The following TMPRSS11F variants were observed in gnomAD, a reference collection of about 807,000 sequenced individuals.
The protein encoded by TMPRSS11F is transmembrane protease serine 11F.
TMPRSS11F carries 47 observed loss-of-function variants against 60.2 expected under a neutral mutation model. The observed-to-expected ratio is 0.78, with a 90% confidence interval of 0.62 to 1.00. The LOEUF is 1.00. Among genes scored for constraint, TMPRSS11F ranks in the 50% least tolerant of loss-of-function variants. The pLI, the probability that TMPRSS11F is intolerant of heterozygous loss-of-function variation, is 0.00. For synonymous variants in TMPRSS11F, 166 were observed against 167.3 expected (o/e 0.99, Z 0.06); for missense variants, 519 against 522.9 (o/e 0.99, Z 0.07).
At chr4:68,113,562 T>A (rs561466356) in intron 1 of TMPRSS11F, among the ~76,000 whole-genome samples, 1 of 152,086 alleles carries the variant, frequency 6.6e-6, no homozygotes, top group African/African-American at 2.4e-5. Flanking sequence ...TATAAAAGGG[T>A]CAATTCATCA....
rs1349098334 is a variant in TMPRSS11F at position 68,122,413 on chromosome 4, G to GA, written c.11+7396dup. 2.6e-5 allele frequency among the ~76,000 whole-genome samples: 4 copies of GA among 151,986 alleles called. No homozygotes were observed. In the East Asian group the frequency reaches 7.7e-4, roughly 29 times the overall value. On this transcript the variant is annotated intron_variant, in intron 1 of 9. Coordinates refer to ENST00000356291, the MANE Select transcript of TMPRSS11F (RefSeq NM_207407.2). ...AATTCTGAAAAATAATTACAGCCAG[G>GA]AAAAAAGCTTATTTCATAGCTGTAT...
intron 3 of TMPRSS11F, among the ~76,000 whole-genome samples, chr4:68,074,835 G>A (rs1723550886): frequency 6.6e-6 from 1 of 152,068 alleles, no homozygotes; most frequent in African/African-American, 2.4e-5. Flanking sequence ...AGTGGCTCAC[G>A]CCTGTAATCC....
chr4:68,119,119 A>G (rs1384949139), intron 1 of TMPRSS11F, among the ~76,000 whole-genome samples: 1 of 152,126 alleles, frequency 6.6e-6, no homozygotes, highest in Non-Finnish European at 1.5e-5. Flanking sequence ...GGCTGGATAG[A>G]AGATCAAACC....
At chr4:68,070,092 A>G (rs1723421290) in intron 5 of TMPRSS11F, 85 bp from the exon 6 acceptor site, 1 of 1,130,586 alleles carries the variant, frequency 8.8e-7, no homozygotes, top group Non-Finnish European at 1.3e-6. Context: ...ATTAATAGAA[A>G]TGTGAATTAT....
chr4:68,102,367 A>T (rs1439838696), intron 1 of TMPRSS11F, among the ~76,000 whole-genome samples: 1 of 152,156 alleles, frequency 6.6e-6, no homozygotes, highest in Admixed American at 6.6e-5. Context: ...TATGGTAGTT[A>T]TATTTTTAAT....
intron 8 of TMPRSS11F, among the ~76,000 whole-genome samples, chr4:68,061,064 T>C (rs72647193): frequency 0.04 from 2,727 of 68,412 alleles, 28 homozygotes; most frequent in Non-Finnish European, 0.093. Flanking sequence ...AAACATACTC[T>C]ATTTAATAAA....
intron 1 of TMPRSS11F, among the ~76,000 whole-genome samples, chr4:68,104,841 C>G (rs1456274780): frequency 6.6e-6 from 1 of 152,092 alleles, no homozygotes; most frequent in African/African-American, 2.4e-5. Flanking sequence ...ACCAGCCTTG[C>G]ATGCCAGAGT....
intron 2 of TMPRSS11F, among the ~76,000 whole-genome samples, chr4:68,094,587 T>TAAAC (rs1453564152): frequency 1.3e-5 from 2 of 150,888 alleles, no homozygotes; most frequent in Non-Finnish European, 3.0e-5. Context: ...AATAAATAAA[T>TAAAC]AAATAAATAA....
chr4:68,103,990 A>G (rs1157751697), intron 1 of TMPRSS11F, among the ~76,000 whole-genome samples: 2 of 152,066 alleles, frequency 1.3e-5, no homozygotes, highest in Admixed American at 6.6e-5. Flanking sequence ...TACTGATTTC[A>G]TATGTTGATT....
intron 3 of TMPRSS11F, among the ~76,000 whole-genome samples, chr4:68,090,263 G>C (rs1316313915): frequency 2.0e-5 from 3 of 151,936 alleles, no homozygotes; most frequent in Non-Finnish European, 2.9e-5. Flanking sequence ...GTTAAAAATA[G>C]AGAAACATTT....
Position 68,098,882 on chromosome 4 carries a change from C to T in TMPRSS11F, c.163+5G>A. On this transcript the variant is annotated splice_donor_5th_base_variant and intron_variant, in intron 2 of 9. Transcript: ENST00000356291. Reference sequence around the variant, plus strand: ...AGGCAATGGAACTGTGACCTGGATACTTACCCTCAACAACAAAATGAGTAA... The same window carrying T: ...AGGCAATGGAACTGTGACCTGGATATTTACCCTCAACAACAAAATGAGTAA... The T allele has an allele frequency of 6.2e-7, 1 of 1,608,054 alleles. No homozygotes were observed. Among genetic ancestry groups the T allele is most frequent in the African/African-American group, 1.3e-5 (1 of 74,790 alleles).
chr4:68,062,181 T>G, intron 8 of TMPRSS11F: 8 of 410,108 alleles, frequency 2.0e-5, no homozygotes, highest in South Asian at 1.5e-4. Context: ...TAAAATTATA[T>G]TGCGACTAAA....
chr4:68,112,471 A>G (rs1724426017), intron 1 of TMPRSS11F, among the ~76,000 whole-genome samples: 2 of 152,102 alleles, frequency 1.3e-5, no homozygotes, highest in Admixed American at 1.3e-4. Context: ...TGCTAAGCTT[A>G]TGTTCCCATG....
intron 3 of TMPRSS11F, among the ~76,000 whole-genome samples, chr4:68,078,743 G>A (rs1423094793): frequency 6.6e-6 from 1 of 152,196 alleles, no homozygotes; most frequent in Non-Finnish European, 1.5e-5. Context: ...GGAGGCCCCA[G>A]TAGTGACCTC....
intron 5 of TMPRSS11F, among the ~76,000 whole-genome samples, chr4:68,071,523 T>C (rs1289748854): frequency 6.6e-6 from 1 of 152,168 alleles, no homozygotes; most frequent in Non-Finnish European, 1.5e-5. Flanking sequence ...GTGACATGTA[T>C]GCTAGTGTTT....
intron 3 of TMPRSS11F, among the ~76,000 whole-genome samples, chr4:68,083,894 G>C (rs1469827857): frequency 6.6e-6 from 1 of 152,168 alleles, no homozygotes; most frequent in Non-Finnish European, 1.5e-5. Flanking sequence ...TACTCATTGA[G>C]ATGCAGGAGA....
chr4:68,070,207 A>G (rs1723426732), intron 5 of TMPRSS11F, among the ~76,000 whole-genome samples, 200 bp from the exon 6 acceptor site: 1 of 152,230 alleles, frequency 6.6e-6, no homozygotes, highest in South Asian at 2.1e-4. Flanking sequence ...GTGTAATTTA[A>G]TTTAAAATTA....
intron 3 of TMPRSS11F, among the ~76,000 whole-genome samples, chr4:68,081,283 C>T (rs1437643810): frequency 2.0e-5 from 3 of 152,192 alleles, no homozygotes; most frequent in Non-Finnish European, 4.4e-5. Context: ...AATCTCTTAC[C>T]TATCCAACTA....
chr4:68,105,877 A>G (rs1724294504), intron 1 of TMPRSS11F, among the ~76,000 whole-genome samples: 1 of 152,192 alleles, frequency 6.6e-6, no homozygotes, highest in Non-Finnish European at 1.5e-5. Flanking sequence ...CAAATTCTCC[A>G]TTTTAGCTGC....
Sources: gnomAD v4.1 joint callset for allele counts (sites outside exome capture counted in the v4.1 genomes callset) on GRCh38, gnomAD v4.1.1 for gene constraint, MANE v1.5 for transcripts, NCBI Gene and HGNC (gene_info 2026-07-23, HGNC 2026-07-21) for gene names.